The following RGS12 variants were observed in gnomAD, a reference collection of about 807,000 sequenced individuals.
The protein encoded by RGS12 is regulator of G-protein signaling 12.
A neutral mutation model predicts 120.1 loss-of-function variants in RGS12; 66 were observed. The observed-to-expected ratio is 0.55, with a 90% confidence interval of 0.45 to 0.67. RGS12 has a LOEUF of 0.67. Ranked by LOEUF, RGS12 falls within the 30% of genes least tolerant of loss-of-function variation. The pLI is 0.00. For synonymous variants in RGS12, 827 were observed against 804.7 expected (o/e 1.03, Z -0.47); for missense variants, 1,859 against 1,957.7 (o/e 0.95, Z 0.95).
chr4:3,439,486 A>T lies in RGS12; in HGVS notation c.4146A>T (p.Pro1382=). The change falls in exon 18 of 18, where the codon CCA becomes CCT. Residue 1382 remains proline, a synonymous_variant. Coordinates refer to ENST00000336727, the MANE Select transcript of RGS12 (RefSeq NM_001394154.1). ...GGACCCATGGCAGCCGAGACCTCCC[A>T]GTCAACAGAATCATCGATGTGGATC... ...GSGTHGSRDL[P]VNRIIDVDLV... is the part of the protein sequence containing the mutation. The T allele has an allele frequency of 1.2e-6, 2 of 1,612,792 alleles. No homozygotes were observed. The highest frequency in any genetic ancestry group is 1.7e-6 in the Non-Finnish European group (2 of 1,179,894).
rs759512692 is a variant in RGS12 at position 3,316,703 on chromosome 4, G to T, written c.533G>T (p.Arg178Leu). ...QRSLSESAATRFDVGHESINN... is the reference protein window; with the variant it reads ...QRSLSESAATLFDVGHESINN... ...TCCCTTTCAGAGTCGGCCGCAACTC[G>T]ATTTGATGTTGGACATGAAAGTATA... The change falls in exon 2 of 18, where the codon CGA becomes CTA. Residue 178 changes from arginine (R) to leucine (L), a missense_variant. By Grantham distance (102) the Arg-to-Leu change is moderately radical. This residue lies in a region of RGS12 where 967 missense variants were observed against 994.2 expected (regional missense o/e 0.97). Transcript: ENST00000336727. 8 of 1,614,148 alleles carry T rather than the reference G, an allele frequency of 5.0e-6. No individual in the cohort carries two copies. The highest frequency in any genetic ancestry group is 6.8e-6 in the Non-Finnish European group (8 of 1,180,030).
At chr4:3,292,879 C>T (rs1395602825), upstream of RGS12, 3 of 151,392 alleles carry the variant, frequency 2.0e-5, no homozygotes, top group African/African-American at 7.3e-5. Context: ...AAGGCCCTCG[C>T]CCCGCCCCGT....
rs572399075 is a variant in RGS12, at chr4:3,321,393, C to T, written c.1881+3342C>T. ...GGGACCCTCACATGCCAGTCCACCC[C>T]ACTCCATCTGGGAGGCAGTGCCTGT... On this transcript the variant is annotated intron_variant, in intron 2 of 17. Transcript: ENST00000336727. 1.7e-4 allele frequency among the ~76,000 whole-genome samples: 26 copies of T among 152,316 alleles called. 1 individual carries two copies. In the South Asian group the frequency reaches 3.5e-3, roughly 21 times the overall value.
chr4:3,316,652 C>T lies in RGS12; in HGVS notation c.482C>T (p.Ser161Leu), dbSNP rs761574427. The T allele has an allele frequency of 3.1e-6, 5 of 1,613,982 alleles. No homozygotes were observed. Among genetic ancestry groups the T allele is most frequent in the East Asian group, 2.2e-5 (1 of 44,890 alleles). The change falls in exon 2 of 18, where the codon TCA becomes TTA. Residue 161 changes from serine to leucine, a missense_variant. Ser to Leu is a moderately radical substitution (Grantham distance 145). Transcript: ENST00000336727. ...FENPSLCASN[S>L]EPLKLKQRSL... is the part of the protein sequence containing the mutation. ...AACCCGAGCCTTTGTGCGAGCAATT[C>T]AGAGCCCTTGAAATTGAAACAAAGA...
chr4:3,340,762 A>C (rs73795511), intron 2 of RGS12, among the ~76,000 whole-genome samples: 48 of 151,024 alleles, frequency 3.2e-4, no homozygotes, highest in East Asian at 9.9e-4. Context: ...AGGTGCAGGC[A>C]GGTGCAGGCC....
At chr4:3,434,386 C>T (rs906130871) in intron 17 of RGS12, among the ~76,000 whole-genome samples, 9 of 152,152 alleles carry the variant, frequency 5.9e-5, no homozygotes, top group Admixed American at 4.6e-4. Context: ...CGGAGCCAAA[C>T]CATATCAGTG....
intron 3 of RGS12, among the ~76,000 whole-genome samples, chr4:3,354,636 C>G (rs1192371168): frequency 2.6e-5 from 4 of 152,154 alleles, no homozygotes; most frequent in Non-Finnish European, 5.9e-5. Context: ...CAGTCCATTG[C>G]AAAATAATCC....
intron 9 of RGS12, among the ~76,000 whole-genome samples, chr4:3,419,721 G>C (rs1722798029): frequency 6.6e-6 from 1 of 152,098 alleles, no homozygotes; most frequent in South Asian, 2.1e-4. Context: ...GGGAGGCTGA[G>C]GTGGGAAGAA....
intron 4 of RGS12, among the ~76,000 whole-genome samples, chr4:3,403,629 G>T (rs1186769374): frequency 6.6e-6 from 1 of 152,212 alleles, no homozygotes; most frequent in African/African-American, 2.4e-5. Context: ...CCCTCAGCAG[G>T]CTCTGCTGTT....
In RGS12 at chr4:3,380,565, C is replaced by T. The variant is rs530413931; in HGVS notation, c.1999-5851C>T. Among the ~76,000 whole-genome samples, 11 of 152,346 alleles carry T rather than the reference C, an allele frequency of 7.2e-5. No homozygotes were observed. In the East Asian group the frequency reaches 2.1e-3, roughly 29 times the overall value. Reference sequence around the variant, plus strand: ...TTCTACTTGGACATCCAGGCATTTCCATGCATCCTCTGAAATCTAGGCAGA... The same window carrying T: ...TTCTACTTGGACATCCAGGCATTTCTATGCATCCTCTGAAATCTAGGCAGA... On this transcript the variant is annotated intron_variant, in intron 3 of 17. Transcript: ENST00000336727.
intron 3 of RGS12, among the ~76,000 whole-genome samples, chr4:3,379,797 A>G (rs1227510145): frequency 1.3e-5 from 2 of 152,152 alleles, no homozygotes; most frequent in African/African-American, 4.8e-5. Context: ...ATTACCTCCC[A>G]CTGACTCCCT....
At chr4:3,352,619 C>T (rs369769540) in intron 3 of RGS12, among the ~76,000 whole-genome samples, 1 of 152,102 alleles carries the variant, frequency 6.6e-6, no homozygotes, top group African/African-American at 2.4e-5. Context: ...ATTACATAAT[C>T]GTTTTGAGAT....
At chr4:3,428,235 C>T in intron 15 of RGS12, 66 bp downstream of exon 15, 1 of 1,400,238 alleles carries the variant, frequency 7.1e-7, no homozygotes, top group South Asian at 1.2e-5. Flanking sequence ...CTGCCCTGCG[C>T]AGTGCCCTGG....
At chr4:3,331,433 T>C (rs1328902597) in intron 2 of RGS12, among the ~76,000 whole-genome samples, 3 of 152,160 alleles carry the variant, frequency 2.0e-5, no homozygotes, top group African/African-American at 2.4e-5. Flanking sequence ...GTAAAAATTA[T>C]TTAAAAAATT....
chr4:3,373,461 G>C (rs974337776), intron 3 of RGS12, among the ~76,000 whole-genome samples: 5 of 152,226 alleles, frequency 3.3e-5, no homozygotes, highest in African/African-American at 9.7e-5. Flanking sequence ...AGTCTCTGTA[G>C]CATGAGCTTG....
intron 3 of RGS12, among the ~76,000 whole-genome samples, chr4:3,352,180 T>C (rs1400095599): frequency 1.3e-5 from 2 of 152,176 alleles, no homozygotes; most frequent in Non-Finnish European, 1.5e-5. Context: ...AGAAGGGGCT[T>C]GCCAGAAGAG....
chr4:3,369,979 C>A, intron 3 of RGS12: 1 of 1,197,066 alleles, frequency 8.4e-7, no homozygotes, highest in Non-Finnish European at 1.0e-6. Context: ...AGAAATTACC[C>A]CTGTCGGCCG....
At chr4:3,391,984 G>C (rs914092942) in intron 4 of RGS12, among the ~76,000 whole-genome samples, 11 of 152,152 alleles carry the variant, frequency 7.2e-5, no homozygotes, top group African/African-American at 2.7e-4. Context: ...TTTAACCTAA[G>C]GACTTTCAAA....
rs202177743 is a variant in RGS12, at chr4:3,361,425, C to T, written c.1998+18372C>T. On this transcript the variant is annotated intron_variant, in intron 3 of 17. Transcript: ENST00000336727. ...CAGCTTGATTGTGAGTACTTTTTTC[C>T]CGCCCTTTTGAATGGCTGGGGCATC... Among the ~76,000 whole-genome samples, 7 of 152,186 alleles carry T rather than the reference C, an allele frequency of 4.6e-5. No homozygotes were observed. In the East Asian group the frequency reaches 9.7e-4, roughly 21 times the overall value.
Sources: gnomAD v4.1 joint callset for allele counts (sites outside exome capture counted in the v4.1 genomes callset) on GRCh38, gnomAD v4.1.1 for gene constraint, gnomAD v4.1.1 regional missense constraint, MANE v1.5 for transcripts, NCBI Gene and HGNC (gene_info 2026-07-23, HGNC 2026-07-21) for gene names.